Variants in TCHP observed in about 807,000 individuals in gnomAD.
TCHP encodes the protein trichoplein keratin filament-binding protein.
In TCHP, 81 loss-of-function variants were observed where a neutral mutation model predicts 88.7. The ratio of observed to expected loss-of-function variants is 0.91; its 90% CI spans 0.76 to 1.10. TCHP has a LOEUF of 1.10. Ranked by LOEUF, TCHP falls within the 50% of genes least tolerant of loss-of-function variation. The probability of loss-of-function intolerance (pLI) is 0.00; values close to 1 mark genes in which losing one functional copy is unlikely to be tolerated. For missense variants in TCHP, 641 were observed against 632.1 expected (o/e 1.01, Z -0.15); for synonymous variants, 232 against 232.5 (o/e 1.00, Z 0.02).
chr12:109,914,969 CT>C, intron 11 of TCHP: 1 of 395,216 alleles, frequency 2.5e-6, no homozygotes, highest in African/African-American at 2.1e-5. Flanking sequence ...ACAGGCCGAG[CT>C]TTTCACGAGG....
chr12:109,900,502 C>G (rs1379611849), intron 1 of TCHP, 76 bp downstream of exon 1: 1 of 152,300 alleles, frequency 6.6e-6, no homozygotes, highest in Non-Finnish European at 1.5e-5. Flanking sequence ...GGGCGGGAAC[C>G]GGGGCGGCAG....
Position 109,915,501 on chromosome 12 carries a change from G to A in TCHP, c.1419G>A (p.Leu473=). Residue 473 remains leucine (L), a synonymous_variant, in exon 12 of 13, where the codon CTG becomes CTA. Transcript: ENST00000405876. ...TCGAGCAGCTCTCAGATGCCCTGCT[G>A]CAGCAGGAGGCGGAGACTATGGCTG... is the stretch of plus-strand genomic sequence containing the variant. ...RRVEQLSDAL[L]QQEAETMAEQ... 2.5e-6 allele frequency: 4 copies of A among 1,614,100 alleles called. No individual in the cohort carries two copies. Among genetic ancestry groups the A allele is most frequent in the Non-Finnish European group, 3.4e-6 (4 of 1,180,014 alleles).
At position 109,914,658 on chromosome 12, in the gene TCHP, G is replaced by A. The variant is rs371020723; in HGVS notation, c.1320+31G>A. ...GCTGAGCCCAAGGGCGGGAGGCACC[G>A]GGCCTGCCAGGTTCTCTGCATCATC... On this transcript the variant is annotated intron_variant, in intron 11 of 12. Coordinates refer to ENST00000405876, the MANE Select transcript of TCHP (RefSeq NM_001143852.2). The A allele has an allele frequency of 1.3e-4, 207 of 1,575,316 alleles. 1 individual carries two copies. The highest frequency in any genetic ancestry group is 2.3e-4 in the Middle Eastern group (1 of 4,380).
chr12:109,908,627 G>T lies in TCHP; in HGVS notation c.741G>T (p.Gln247His). The T allele has an allele frequency of 6.2e-7, 1 of 1,603,166 alleles. No individual in the cohort carries two copies. ...AGGAGCAGGAGAATCTGTTGAAGCAGCGGTGGGAGCTAGAGAGGCTGGAGG... is the reference window on the plus strand; with the variant it reads ...AGGAGCAGGAGAATCTGTTGAAGCATCGGTGGGAGCTAGAGAGGCTGGAGG... ...LKKEQENLLKQRWELERLEEE... is the reference protein window; with the variant it reads ...LKKEQENLLKHRWELERLEEE... The change falls in exon 7 of 13, where the codon CAG becomes CAT. Residue 247 changes from glutamine to histidine, a missense_variant. Transcript: ENST00000405876.
rs144342640 is a variant in TCHP at position 109,914,471 on chromosome 12, A to T, written c.1164A>T (p.Gln388His). Residue 388 changes from glutamine (Q) to histidine (H), a missense_variant, in exon 11 of 13, where the codon CAA becomes CAT. Physicochemically the swap from Gln to His is conservative, Grantham distance 24 (BLOSUM62 0). Transcript: ENST00000405876. ...EVLTGRQQQIQEKIEQNRRAQ... is the reference protein window; with the variant it reads ...EVLTGRQQQIHEKIEQNRRAQ... The stretch of plus-strand genomic sequence containing the variant: ...TGACAGGGAGACAACAGCAAATACA[A>T]GAGAAGATTGAGCAGAACCGACGGG... The T allele has an allele frequency of 7.4e-6, 12 of 1,613,784 alleles. No homozygotes were observed. The African/African-American group carries it at 1.6e-4, about 22-fold the overall frequency.
At chr12:109,886,310 G>A in the TCHP span, among the ~76,000 whole-genome samples, 1 of 152,042 alleles carries the variant, frequency 6.6e-6, no homozygotes, top group Non-Finnish European at 1.5e-5. Context: ...GCTAATTTTT[G>A]TATTTTTAGT....
chr12:109,903,184 A>G lies in TCHP; in HGVS notation c.158A>G (p.Glu53Gly), dbSNP rs1348199106. Reference protein sequence around the residue: ...MSDICSSKQAEWSSKTSYQRS... With the variant: ...MSDICSSKQAGWSSKTSYQRS... ...GACATCTGCAGCTCCAAACAGGCAG[A>G]ATGGAGCTCTAAAACCTCCTACCAG... Residue 53 changes from glutamate to glycine, a missense_variant, in exon 2 of 13, where the codon GAA becomes GGA. By Grantham distance (98) the Glu-to-Gly change is moderately conservative. Coordinates refer to ENST00000405876, the MANE Select transcript of TCHP (RefSeq NM_001143852.2). The surrounding 1 kb of genome is among the most constrained non-coding windows in gnomAD (Gnocchi z 4.6). The G allele has an allele frequency of 6.2e-7, 1 of 1,613,538 alleles. No homozygotes were observed. The highest frequency in any genetic ancestry group is 1.1e-5 in the South Asian group (1 of 91,032).
intron 8 of TCHP, 50 bp from the exon 9 acceptor site, chr12:109,911,013 C>A: frequency 6.9e-7 from 1 of 1,457,000 alleles, no homozygotes. Flanking sequence ...GCTCTCATTG[C>A]AGAAGGACTC....
rs540614423 is a variant in TCHP at position 109,902,549 on chromosome 12, C to T, written c.1-478C>T. On this transcript the variant is annotated intron_variant, in intron 1 of 12. Coordinates refer to ENST00000405876, the MANE Select transcript of TCHP (RefSeq NM_001143852.2). ...AGTGCAGTGGGACAATCTTGGTTCA[C>T]TGCAACCTCCACCTCCTGGGTTCAA... Among the ~76,000 whole-genome samples, 7 of 152,266 alleles carry T rather than the reference C, an allele frequency of 4.6e-5. No individual in the cohort carries two copies. The East Asian group carries it at 1.4e-3, about 29-fold the overall frequency.
At chr12:109,884,677 G>A in the TCHP span, among the ~76,000 whole-genome samples, 1 of 152,272 alleles carries the variant, frequency 6.6e-6, no homozygotes, top group South Asian at 2.1e-4. Flanking sequence ...TTAAGAACAA[G>A]ATGTCAGCCA....
chr12:109,916,744 A>G lies in TCHP; in HGVS notation c.*121A>G, dbSNP rs746821914. On this transcript the variant is annotated 3_prime_UTR_variant, in exon 13 of 13. Coordinates refer to ENST00000405876, the MANE Select transcript of TCHP (RefSeq NM_001143852.2). ...CCGGGGCACTGTCAGATGGCTCAGC[A>G]GTGCCTGCTCAGGTTCATCATTGAA... 1.1e-6 allele frequency: 1 copy of G among 879,354 alleles called. No homozygotes were observed. Among genetic ancestry groups the G allele is most frequent in the South Asian group, 1.6e-5 (1 of 62,310 alleles). 54.5% of individuals were successfully genotyped at this position (879,354 alleles called of 1,614,324 possible).
intron 1 of TCHP, among the ~76,000 whole-genome samples, chr12:109,901,834 G>T (rs1419838206): frequency 6.6e-6 from 1 of 152,176 alleles, no homozygotes; most frequent in African/African-American, 2.4e-5. Context: ...CGGGCCAAGA[G>T]AATTTATTAG....
chr12:109,891,500 TCTC>T, the TCHP span, among the ~76,000 whole-genome samples: 1 of 151,410 alleles, frequency 6.6e-6, no homozygotes, highest in South Asian at 2.1e-4. Flanking sequence ...TTCAAGCAAT[TCTC>T]CTGCCTCAGC....
rs1421531416 is a variant in TCHP, at chr12:109,915,502, C to T, written c.1420C>T (p.Gln474Ter). 34 of 1,613,980 alleles carry T rather than the reference C, an allele frequency of 2.1e-5. No homozygotes were observed. The highest frequency in any genetic ancestry group is 1.6e-4 in the Middle Eastern group (1 of 6,072). ...CGAGCAGCTCTCAGATGCCCTGCTG[C>T]AGCAGGAGGCGGAGACTATGGCTGA... ...RVEQLSDALL[Q>*]QEAETMAEQG... Residue 474 changes from glutamine to a stop codon, truncating the protein, a stop_gained, in exon 12 of 13, where the codon CAG becomes TAG. Coordinates refer to ENST00000405876, the MANE Select transcript of TCHP (RefSeq NM_001143852.2). LOFTEE classifies it high-confidence loss of function.
At chr12:109,904,848 G>C in intron 4 of TCHP, 55 bp downstream of exon 4, 1 of 1,543,814 alleles carries the variant, frequency 6.5e-7, no homozygotes, top group South Asian at 1.2e-5. Flanking sequence ...CATGTTTCCA[G>C]ACACTTTTTT....
In TCHP at chr12:109,915,475, G is replaced by A; in HGVS notation, c.1393G>A (p.Val465Ile). The part of the protein sequence containing the change: ...EEEEEEEARR[V>I]EQLSDALLQQ... The stretch of plus-strand genomic sequence containing the variant: ...GGAGGAAGAGGAGGAGGCCCGGCGG[G>A]TCGAGCAGCTCTCAGATGCCCTGCT... The change falls in exon 12 of 13, where the codon GTC becomes ATC. Residue 465 changes from valine to isoleucine, a missense_variant. Coordinates refer to ENST00000405876, the MANE Select transcript of TCHP (RefSeq NM_001143852.2). 1 of 1,614,108 alleles carries A rather than the reference G, an allele frequency of 6.2e-7. No homozygotes were observed. The highest frequency in any genetic ancestry group is 8.5e-7 in the Non-Finnish European group (1 of 1,180,022).
intron 12 of TCHP, 57 bp downstream of exon 12, chr12:109,915,603 C>G (rs1870770956): frequency 2.6e-6 from 4 of 1,541,406 alleles, no homozygotes; most frequent in African/African-American, 1.4e-5. Context: ...TGCCCGGCCC[C>G]TGCTCCCCTG....
the TCHP span, among the ~76,000 whole-genome samples, chr12:109,883,596 GC>G: frequency 1.3e-5 from 2 of 151,504 alleles, no homozygotes; most frequent in Admixed American, 1.3e-4. Flanking sequence ...TCACTGCCCC[GC>G]CCCGCACCCT....
intron 5 of TCHP, among the ~76,000 whole-genome samples, chr12:109,907,118 CCTT>C (rs1364635689): frequency 1.3e-5 from 2 of 152,150 alleles, no homozygotes; most frequent in Admixed American, 6.6e-5. Context: ...GGCCTCCTGG[CCTT>C]AAACGATTCT....
Sources: gnomAD v4.1 joint callset for allele counts (sites outside exome capture counted in the v4.1 genomes callset) on GRCh38, gnomAD v4.1.1 for gene constraint, Gnocchi (gnomAD v3.1) non-coding constraint, MANE v1.5 for transcripts, NCBI Gene and HGNC (gene_info 2026-07-23, HGNC 2026-07-21) for gene names.